Variants in TAPBPL observed in about 807,000 individuals in gnomAD.
TAPBPL encodes TAP binding protein like, also known as tapasin-related protein.
TAPBPL carries 32 observed loss-of-function variants against 44.8 expected under a neutral mutation model. The ratio of observed to expected loss-of-function variants is 0.71; its 90% CI spans 0.54 to 0.96. TAPBPL has a LOEUF of 0.96. Ranked by LOEUF, TAPBPL falls within the 40% of genes least tolerant of loss-of-function variation. The pLI is 0.00. For missense variants in TAPBPL, 520 were observed against 586.6 expected (o/e 0.89, Z 1.17); for synonymous variants, 230 against 240.7 (o/e 0.96, Z 0.41).
At chr12:6,470,396 G>C, downstream of TAPBPL, 1 of 1,384,230 alleles carries the variant, frequency 7.2e-7, no homozygotes, top group South Asian at 1.2e-5. Context: ...GGCCCGGTCC[G>C]GAAGCGGCGC....
At chr12:6,466,473 A>C, downstream of TAPBPL, 1 of 1,085,846 alleles carries the variant, frequency 9.2e-7, no homozygotes, top group Non-Finnish European at 1.3e-6. Flanking sequence ...GCTTGAGCCC[A>C]GGAGTTCGAG....
At position 6,453,605 on chromosome 12, in the gene TAPBPL, G is replaced by A. The variant is rs757824875; in HGVS notation, c.454G>A (p.Gly152Arg). ...GGCCAACATGCAGGTCTCTGGAGGG[G>A]GACCTAGCATCTCCTTGGTGATGAA... ...FMANMQVSGG[G>R]PSISLVMKTP... Residue 152 changes from glycine (G) to arginine (R), a missense_variant, in exon 3 of 7, where the codon GGA becomes AGA. By Grantham distance (125) the Gly-to-Arg change is moderately radical. Coordinates refer to ENST00000266556, the MANE Select transcript of TAPBPL (RefSeq NM_018009.5). The surrounding 1 kb of genome is among the most constrained non-coding windows in gnomAD (Gnocchi z 4.8). The A allele has an allele frequency of 6.2e-7, 1 of 1,614,110 alleles. No individual in the cohort carries two copies. The highest frequency in any genetic ancestry group is 1.1e-5 in the South Asian group (1 of 91,080).
At chr12:6,465,289 C>T (rs573898164), downstream of TAPBPL, 1 of 389,714 alleles carries the variant, frequency 2.6e-6, no homozygotes, top group Non-Finnish European at 5.0e-6. Flanking sequence ...AGCTCATTCT[C>T]AAAAGTTGCA....
downstream of TAPBPL, chr12:6,464,846 C>A (rs751974920): frequency 7.4e-6 from 12 of 1,613,304 alleles, no homozygotes; most frequent in South Asian, 1.3e-4. Context: ...GACTCCAGGA[C>A]CTTCCCACCT....
At chr12:6,469,009 C>T (rs1945701970), downstream of TAPBPL, among the ~76,000 whole-genome samples, 1 of 152,146 alleles carries the variant, frequency 6.6e-6, no homozygotes, top group South Asian at 2.1e-4. Flanking sequence ...AGAACTAATA[C>T]CCAGAAGCTC....
chr12:6,462,515 G>C, downstream of TAPBPL: 1 of 503,052 alleles, frequency 2.0e-6, no homozygotes, highest in Non-Finnish European at 3.5e-6. Flanking sequence ...TGGGTGGTGG[G>C]AGGAAAGGGG....
chr12:6,464,804 C>T, downstream of TAPBPL: 1 of 1,603,544 alleles, frequency 6.2e-7, no homozygotes, highest in Non-Finnish European at 8.5e-7. Context: ...AGAGCAGCCC[C>T]ACTCCCCAGG....
At chr12:6,458,025 G>A (rs952538346) in intron 4 of TAPBPL, among the ~76,000 whole-genome samples, 8 of 152,190 alleles carry the variant, frequency 5.3e-5, no homozygotes, top group African/African-American at 1.9e-4. Context: ...ATCCTGAGGA[G>A]CAGCAGCAGC....
Position 6,453,841 on chromosome 12 carries a change from A to G in TAPBPL, c.565+125A>G, listed in dbSNP as rs1279506503. 2 of 1,272,988 alleles carry G rather than the reference A, an allele frequency of 1.6e-6. No homozygotes were observed. The highest frequency in any genetic ancestry group is 3.0e-5 in the African/African-American group (2 of 66,702). The allele number at this position is 1,272,988 out of a possible 1,614,324, so 78.9% of individuals were successfully genotyped here. ...GAGATCAGCCTGGTCAACACGGTGAAACCCCGTCTCTACTAATACCAAAAT... is the reference window on the plus strand; with the variant it reads ...GAGATCAGCCTGGTCAACACGGTGAGACCCCGTCTCTACTAATACCAAAAT... On this transcript the variant is annotated intron_variant, in intron 3 of 6. Coordinates refer to ENST00000266556, the MANE Select transcript of TAPBPL (RefSeq NM_018009.5). This position sits in a 1 kb window ranked among gnomAD's most constrained non-coding sequence, Gnocchi z 4.8.
rs1949565735 is a variant in TAPBPL, at chr12:6,452,203, T to C, written c.-46T>C. The C allele has an allele frequency of 1.9e-6, 3 of 1,556,184 alleles. No individual in the cohort carries two copies. Among genetic ancestry groups the C allele is most frequent in the African/African-American group, 1.4e-5 (1 of 73,894 alleles). The stretch of plus-strand genomic sequence containing the variant: ...CCGGGCCTCGCAAGCAGCGTAGGAC[T>C]GTGGAGAAGGGCGGTGGGCAAGGAG... On this transcript the variant is annotated 5_prime_UTR_variant, in exon 1 of 7. Coordinates refer to ENST00000266556, the MANE Select transcript of TAPBPL (RefSeq NM_018009.5).
chr12:6,464,166 TG>T, downstream of TAPBPL: 1 of 1,433,290 alleles, frequency 7.0e-7, no homozygotes, highest in Non-Finnish European at 9.3e-7. Flanking sequence ...CTCCCCTCCC[TG>T]CCCCTTCCCT....
chr12:6,452,569 G>A (rs966444880), intron 1 of TAPBPL: 2 of 1,373,232 alleles, frequency 1.5e-6, no homozygotes, highest in Admixed American at 3.3e-5. Context: ...GTCCTACAGA[G>A]AGGGCACTGG....
downstream of TAPBPL, chr12:6,464,795 G>A (rs1949963105): frequency 1.3e-6 from 2 of 1,596,192 alleles, no homozygotes; most frequent in Non-Finnish European, 8.5e-7. Flanking sequence ...ACCTCAGTCA[G>A]AGCAGCCCCA....
Position 6,453,119 on chromosome 12 carries a change from C to T in TAPBPL, c.117C>T (p.Cys39=), listed in dbSNP as rs2041384. ...GGGCAGTGGACGTGGTCCTAGACTG[C>T]TTCCTGGCGAAGGACGGTGCGCACC... ...QWRAVDVVLD[C]FLAKDGAHRG... Residue 39 remains cysteine, a synonymous_variant, in exon 2 of 7, where the codon TGC becomes TGT. Transcript: ENST00000266556. The surrounding 1 kb of genome is among the most constrained non-coding windows in gnomAD (Gnocchi z 4.8). The T allele has an allele frequency of 0.27, 435,672 of 1,585,862 alleles. 61,432 individuals carry two copies. The highest frequency in any genetic ancestry group is 0.34 in the East Asian group (14,964 of 44,022).
chr12:6,465,876 T>C (rs1950010648), downstream of TAPBPL: 1 of 1,614,134 alleles, frequency 6.2e-7, no homozygotes, highest in African/African-American at 1.3e-5. Context: ...CCTCTTTAGC[T>C]TGGCAGCACT....
At chr12:6,458,536 C>A in intron 4 of TAPBPL, 109 bp from the exon 5 acceptor site, 2 of 1,365,020 alleles carry the variant, frequency 1.5e-6, no homozygotes, top group Non-Finnish European at 2.0e-6. Flanking sequence ...CCAAGGGACA[C>A]TGTAGCCTCC....
intron 3 of TAPBPL, among the ~76,000 whole-genome samples, chr12:6,455,837 T>G (rs1396856047): frequency 2.0e-5 from 3 of 150,620 alleles, no homozygotes; most frequent in Non-Finnish European, 4.4e-5. Context: ...CTTGGCTCAC[T>G]GCAACCTCTG....
upstream of TAPBPL, chr12:6,451,690 A>G: frequency 2.8e-6 from 1 of 356,806 alleles, no homozygotes; most frequent in East Asian, 5.0e-5. Context: ...CAAGACGGGC[A>G]AAATAAAGTG....
rs753690548 is a variant in TAPBPL, at chr12:6,462,191, C to T, written c.*42C>T. 35 of 1,512,684 alleles carry T rather than the reference C, an allele frequency of 2.3e-5. No homozygotes were observed. Among genetic ancestry groups the T allele is most frequent in the Middle Eastern group, 1.7e-4 (1 of 5,860 alleles). The allele number at this position is 1,512,684 out of a possible 1,614,324, so 93.7% of individuals were successfully genotyped here. On this transcript the variant is annotated 3_prime_UTR_variant, in exon 7 of 7. Coordinates refer to ENST00000266556, the MANE Select transcript of TAPBPL (RefSeq NM_018009.5). ...ACTACTAGAAAGAAACGACACCCTT[C>T]CCCAAGCCCCCACAGCTACTCCAAC...
Sources: allele counts gnomAD v4.1 joint callset (sites outside exome capture counted in the v4.1 genomes callset), GRCh38; gene constraint gnomAD v4.1.1; non-coding constraint Gnocchi (gnomAD v3.1); transcripts MANE v1.5; gene names NCBI Gene and HGNC (gene_info 2026-07-23, HGNC 2026-07-21).